Variants in PRX observed in about 807,000 individuals in gnomAD.
PRX encodes the protein periaxin.
In PRX, 24 loss-of-function variants were observed where a neutral mutation model predicts 29.6. The observed-to-expected ratio is 0.81, with a 90% confidence interval of 0.59 to 1.14. The LOEUF (loss-of-function observed/expected upper bound fraction) is 1.14. Ranked by LOEUF, PRX falls within the 50% of genes most tolerant of loss-of-function variation. The pLI is 0.00. For synonymous variants in PRX, 772 were observed against 831.7 expected, an observed-to-expected ratio of 0.93 and a Z score of 1.24; for missense variants, 1,838 against 1,926.4, an observed-to-expected ratio of 0.95 and a Z score of 0.86.
chr19:40,406,182 G>C lies in PRX; in HGVS notation c.27+1724C>G, dbSNP rs954652936. Among the ~76,000 whole-genome samples the C allele has an allele frequency of 5.3e-5, 8 of 151,338 alleles. No individual in the cohort carries two copies. In the East Asian group the frequency reaches 1.6e-3, roughly 30 times the overall value. On this transcript the variant is annotated intron_variant, in intron 4 of 6. Transcript: ENST00000324001. ...GAATTGCTTGAACCTGGGAGGCGGAGGTTGCAGTGAGCTGAGATCGCACCA... is the reference window on the plus strand; with the variant it reads ...GAATTGCTTGAACCTGGGAGGCGGACGTTGCAGTGAGCTGAGATCGCACCA...
chr19:40,400,724 G>A (rs558564711), intron 5 of PRX, among the ~76,000 whole-genome samples: 8 of 151,368 alleles, frequency 5.3e-5, no homozygotes, highest in Non-Finnish European at 7.4e-5. Flanking sequence ...ATGCAGGCCC[G>A]TGCCACCACA....
rs1231732224 is a variant in PRX, at chr19:40,393,981, C to CCT, written c.4370_4371insAG (p.Ala1458GlyfsTer28). 6.2e-7 allele frequency: 1 copy of CCT among 1,612,924 alleles called. No individual in the cohort carries two copies. The highest frequency in any genetic ancestry group is 1.3e-5 in the African/African-American group (1 of 74,936). On this transcript the variant is annotated frameshift_variant, in exon 7 of 7. Coordinates refer to ENST00000324001, the MANE Select transcript of PRX (RefSeq NM_181882.3). LOFTEE classifies it high-confidence loss of function. Reference sequence around the variant, plus strand: ...ACTAGGGGCTTCAGACAGCCGCAGCCTGAGCCCCCTCCATCCTGGCCGGGC... The same window carrying CCT: ...ACTAGGGGCTTCAGACAGCCGCAGCCCTTGAGCCCCCTCCATCCTGGCCGGGC...
chr19:40,407,869 C>G (rs558605343), intron 4 of PRX, 37 bp downstream of exon 4: 1 of 1,612,014 alleles, frequency 6.2e-7, no homozygotes, highest in Non-Finnish European at 8.5e-7. Context: ...CTCCCCATTG[C>G]CCTCAAGTGC....
Position 40,398,764 on chromosome 19 carries a change from G to T in PRX, c.237C>A (p.Asp79Glu), listed in dbSNP as rs376174896. 1.2e-6 allele frequency: 2 copies of T among 1,613,990 alleles called. No homozygotes were observed. The highest frequency in any genetic ancestry group is 8.5e-7 in the Non-Finnish European group (1 of 1,179,982). ...RVFFENFKYE[D>E]ALRLLQCAEP... ...CGGCGCATTGCAGCAGGCGTAGTGC[G>T]TCCTCGTACTTGAAGTTCTCGAAGA... The change falls in exon 6 of 7, where the codon GAC becomes GAA. Residue 79 changes from aspartate (D) to glutamate (E), a missense_variant. Physicochemically the swap from Asp to Glu is conservative, Grantham distance 45 (BLOSUM62 2). Coordinates refer to ENST00000324001, the MANE Select transcript of PRX (RefSeq NM_181882.3). This position sits in a 1 kb window ranked among gnomAD's most constrained non-coding sequence, Gnocchi z 6.3.
In PRX at chr19:40,394,649, C is replaced by T. The variant is rs1385904344; in HGVS notation, c.3703G>A (p.Glu1235Lys). ...VGLSREAQAG[E>K]AATGEGGLRL... Reference sequence around the variant, plus strand: ...AGCCCACCCTCGCCTGTGGCCGCCTCGCCCGCCTGTGCCTCTCGGCTTAGC... The same window carrying T: ...AGCCCACCCTCGCCTGTGGCCGCCTTGCCCGCCTGTGCCTCTCGGCTTAGC... Residue 1235 changes from glutamate to lysine, a missense_variant, in exon 7 of 7, where the codon GAG (glutamate) becomes AAG (lysine). Physicochemically the swap from Glu to Lys is moderately conservative, Grantham distance 56 (BLOSUM62 1). This residue lies in a region of PRX where 1,143 missense variants were observed against 1,193.0 expected (regional missense o/e 0.96). Coordinates refer to ENST00000324001, the MANE Select transcript of PRX (RefSeq NM_181882.3). This position sits in a 1 kb window ranked among gnomAD's most constrained non-coding sequence, Gnocchi z 5.8. The T allele has an allele frequency of 6.2e-6, 10 of 1,607,404 alleles. No homozygotes were observed. Among genetic ancestry groups the T allele is most frequent in the Admixed American group, 1.7e-5 (1 of 59,992 alleles).
At position 40,408,193 on chromosome 19, in the gene PRX, G is replaced by T. The variant is rs1007543634; in HGVS notation, c.-135C>A. On this transcript the variant is annotated 5_prime_UTR_variant, in exon 3 of 7. Coordinates refer to ENST00000324001, the MANE Select transcript of PRX (RefSeq NM_181882.3). ...GTGCAGGCACTTCCTCCTAACAGGA[G>T]CCCAGCCCGAGGTGCCGCACAGCTG... 8 of 586,808 alleles carry T rather than the reference G, an allele frequency of 1.4e-5. No homozygotes were observed. The African/African-American group carries it at 1.5e-4, about 11-fold the overall frequency. 36.4% of individuals were successfully genotyped at this position (586,808 alleles called of 1,614,324 possible).
intron 4 of PRX, among the ~76,000 whole-genome samples, chr19:40,406,236 A>G (rs1486931950): frequency 1.3e-5 from 2 of 148,518 alleles, no homozygotes; most frequent in Non-Finnish European, 3.0e-5. Context: ...GACAAGACCA[A>G]GAATCCGTCT....
chr19:40,402,765 A>G (rs2079504718), intron 5 of PRX, among the ~76,000 whole-genome samples: 1 of 99,298 alleles, frequency 1.0e-5, no homozygotes, highest in African/African-American at 6.6e-5. Context: ...ACAGAGCGAG[A>G]CTCCGTCTCA....
intron 1 of PRX, among the ~76,000 whole-genome samples, chr19:40,410,668 C>T (rs2079554335): frequency 6.6e-6 from 1 of 152,248 alleles, no homozygotes; most frequent in African/African-American, 2.4e-5. Flanking sequence ...GTCAGGGGTT[C>T]GAGACCAGTC....
Position 40,395,772 on chromosome 19 carries a change from G to A in PRX, c.2580C>T (p.Asp860=). The A allele has an allele frequency of 1.2e-6, 2 of 1,614,154 alleles. No homozygotes were observed. The highest frequency in any genetic ancestry group is 1.7e-6 in the Non-Finnish European group (2 of 1,180,036). ...CCTGCAGGCCAAGTGCTCCTGGCAG[G>A]TCTAGCTCCACTGAAGGCAGAGTGA... ...PSLTLPSVEL[D]LPGALGLQGQ... The change falls in exon 7 of 7, where the codon GAC becomes GAT. Residue 860 remains aspartate (D), a synonymous_variant. Transcript: ENST00000324001.
chr19:40,396,942 G>A lies in PRX; in HGVS notation c.1410C>T (p.Leu470=). Residue 470 remains leucine, a synonymous_variant, in exon 7 of 7, where the codon CTC becomes CTT. Transcript: ENST00000324001. ...GGAGTTTCATCTCTGACACCTTGGG[G>A]AGCTCCACCTCTGGGAGTCGAACCT... The part of the protein sequence containing the change: ...LPEVRLPEVE[L]PKVSEMKLPK... 1 of 1,614,092 alleles carries A rather than the reference G, an allele frequency of 6.2e-7. No homozygotes were observed. The highest frequency in any genetic ancestry group is 8.5e-7 in the Non-Finnish European group (1 of 1,180,016).
intron 1 of PRX, among the ~76,000 whole-genome samples, chr19:40,408,846 T>TGTGTGTGA (rs1555802644): frequency 7.4e-5 from 11 of 148,240 alleles, no homozygotes; most frequent in African/African-American, 2.5e-4. Context: ...TGTGTGTGTG[T>TGTGTGTGA]GAGAGAGAGA....
At chr19:40,399,915 TTC>T (rs1491017545) in intron 5 of PRX, among the ~76,000 whole-genome samples, 1 of 137,116 alleles carries the variant, frequency 7.3e-6, no homozygotes, top group African/African-American at 2.9e-5. Flanking sequence ...TTTTCTTTCT[TTC>T]TTTCTTTCAC....
At chr19:40,399,858 T>C (rs12972644) in intron 5 of PRX, among the ~76,000 whole-genome samples, 1,092 of 61,936 alleles carry the variant, frequency 0.018, 6 homozygotes, top group Non-Finnish European at 0.024. Context: ...TTCCTTTCTT[T>C]CTTTCTTTCT....
chr19:40,393,906 C>G lies in PRX; in HGVS notation c.*60G>C. On this transcript the variant is annotated 3_prime_UTR_variant, in exon 7 of 7. Coordinates refer to ENST00000324001, the MANE Select transcript of PRX (RefSeq NM_181882.3). The stretch of plus-strand genomic sequence containing the variant: ...TAGGGTTAGTGCTAGTTATCACACA[C>G]ACAACAGCGAGGGGGTAGAGAAAGG... 1.3e-6 allele frequency: 2 copies of G among 1,599,740 alleles called. No individual in the cohort carries two copies. The highest frequency in any genetic ancestry group is 1.7e-6 in the Non-Finnish European group (2 of 1,179,414).
rs551077321 is a variant in PRX, at chr19:40,405,669, C to A, written c.28-1807G>T. On this transcript the variant is annotated intron_variant, in intron 4 of 6. Coordinates refer to ENST00000324001, the MANE Select transcript of PRX (RefSeq NM_181882.3). ...TTTTTTTTTTTTTGAGGCGGAGTCT[C>A]GCTCTGTCACCCAGGCTGGGAGTGC... Among the ~76,000 whole-genome samples the A allele has an allele frequency of 6.9e-5, 9 of 130,356 alleles. No individual in the cohort carries two copies. In the South Asian group the frequency reaches 1.1e-3, roughly 15 times the overall value. 85.5% of individuals were successfully genotyped at this position (130,356 alleles called of 152,430 possible).
chr19:40,397,505 C>T lies in PRX; in HGVS notation c.847G>A (p.Val283Met), dbSNP rs535087433. Residue 283 changes from valine to methionine, a missense_variant, in exon 7 of 7, where the codon GTG (valine) becomes ATG (methionine). Physicochemically the swap from Val to Met is conservative, Grantham distance 21 (BLOSUM62 1). Coordinates refer to ENST00000324001, the MANE Select transcript of PRX (RefSeq NM_181882.3). ...LGLGAPAPPAVEAPAVGIQVP... is the reference protein window; with the variant it reads ...LGLGAPAPPAMEAPAVGIQVP... Reference sequence around the variant, plus strand: ...TGGATTCCCACGGCTGGGGCCTCCACAGCAGGCGGAGCCGGGGCTCCGAGC... The same window carrying T: ...TGGATTCCCACGGCTGGGGCCTCCATAGCAGGCGGAGCCGGGGCTCCGAGC... 79 of 1,552,790 alleles carry T rather than the reference C, an allele frequency of 5.1e-5. No individual in the cohort carries two copies. Among genetic ancestry groups the T allele is most frequent in the African/African-American group, 1.1e-4 (8 of 73,248 alleles).
chr19:40,394,511 G>A lies in PRX; in HGVS notation c.3841C>T (p.Leu1281Phe), dbSNP rs2079410935. Residue 1281 changes from leucine to phenylalanine, a missense_variant, in exon 7 of 7, where the codon CTC (leucine) becomes TTC (phenylalanine). Physicochemically the swap from Leu to Phe is conservative, Grantham distance 22. This residue lies in a region of PRX where 1,143 missense variants were observed against 1,193.0 expected (regional missense o/e 0.96). Transcript: ENST00000324001. This position sits in a 1 kb window ranked among gnomAD's most constrained non-coding sequence, Gnocchi z 5.8. ...TFCLSLPDVE[L>F]SPSGGNHAEY... is the part of the protein sequence containing the mutation. ...GCATGGTTGCCCCCGGATGGCGAGA[G>A]CTCCACGTCGGGCAGTGAGAGGCAG... The A allele has an allele frequency of 6.3e-6, 10 of 1,599,806 alleles. No individual in the cohort carries two copies. Among genetic ancestry groups the A allele is most frequent in the African/African-American group, 1.3e-5 (1 of 74,532 alleles).
intron 5 of PRX, among the ~76,000 whole-genome samples, chr19:40,399,918 TTTCTTTCA>T (rs2079481626): frequency 1.4e-5 from 2 of 138,220 alleles, no homozygotes; most frequent in African/African-American, 2.7e-5. Flanking sequence ...TCTTTCTTTC[TTTCTTTCA>T]CCCAGCTTTC....
Sources: allele counts gnomAD v4.1 joint callset (sites outside exome capture counted in the v4.1 genomes callset), GRCh38; gene constraint gnomAD v4.1.1; regional missense constraint gnomAD v4.1.1; non-coding constraint Gnocchi (gnomAD v3.1); transcripts MANE v1.5; gene names NCBI Gene and HGNC (gene_info 2026-07-23, HGNC 2026-07-21).